SGCE: variants seen among roughly 807,000 people sequenced by gnomAD.
SGCE encodes epsilon-sarcoglycan.
Under a neutral mutation model 57.8 loss-of-function variants are expected in SGCE, and 26 were observed. That is an observed-to-expected ratio of 0.45 (90% confidence interval 0.33 to 0.62). The LOEUF (loss-of-function observed/expected upper bound fraction) is 0.62. Among genes scored for constraint, SGCE ranks in the 20% least tolerant of loss-of-function variants. SGCE has a pLI of 0.02. For synonymous variants in SGCE, 183 were observed against 189.5 expected (o/e 0.97, Z 0.28); for missense variants, 468 against 548.6 (o/e 0.85, Z 1.47).
chr7:94,595,898 G>A (rs868354152), intron 9 of SGCE, among the ~76,000 whole-genome samples: 1 of 151,978 alleles, frequency 6.6e-6, no homozygotes, highest in Non-Finnish European at 1.5e-5. Context: ...ACACTGAAAC[G>A]ACACCGAATG....
intron 10 of SGCE, chr7:94,587,717 G>C: frequency 6.5e-7 from 1 of 1,533,590 alleles, no homozygotes; most frequent in South Asian, 1.3e-5. Flanking sequence ...CAAAATTGTA[G>C]GGAAAAATTC....
At chr7:94,602,803 TCTAA>T (rs1253347508) in intron 6 of SGCE, among the ~76,000 whole-genome samples, 4 of 152,198 alleles carry the variant, frequency 2.6e-5, no homozygotes, top group African/African-American at 9.6e-5. Flanking sequence ...TGGGTAAGAT[TCTAA>T]CTTTCTTCAC....
At chr7:94,639,347 T>A (rs1282588175) in intron 1 of SGCE, 1 of 1,528,780 alleles carries the variant, frequency 6.5e-7, no homozygotes. Context: ...TCACCATCTT[T>A]CATCCCAGCA....
At chr7:94,650,517 G>T (rs1282238407) in intron 1 of SGCE, among the ~76,000 whole-genome samples, 2 of 152,156 alleles carry the variant, frequency 1.3e-5, no homozygotes, top group African/African-American at 4.8e-5. Flanking sequence ...AGGAGGGTGT[G>T]TGTTAAATTA....
chr7:94,612,562 A>C (rs1197466077), intron 5 of SGCE, among the ~76,000 whole-genome samples: 1 of 152,216 alleles, frequency 6.6e-6, no homozygotes, highest in Non-Finnish European at 1.5e-5. Context: ...AGAGTTGGAC[A>C]ACTAAGTTGC....
chr7:94,600,590 C>A (rs1799052658), intron 7 of SGCE, 56 bp downstream of exon 7: 1 of 1,316,434 alleles, frequency 7.6e-7, no homozygotes, highest in African/African-American at 1.4e-5. Context: ...ATGGAATCTT[C>A]TATGTTGTTA....
chr7:94,594,694 C>G (rs1168220478), intron 9 of SGCE: 2 of 152,100 alleles, frequency 1.3e-5, no homozygotes, highest in Non-Finnish European at 2.9e-5. Flanking sequence ...GAGAAACTGG[C>G]TGAGGCGTAT....
chr7:94,655,776 G>GAAA (rs1808553471), intron 1 of SGCE, among the ~76,000 whole-genome samples: 1 of 51,188 alleles, frequency 2.0e-5, no homozygotes, highest in Non-Finnish European at 3.4e-5. Context: ...GGCGCGGAGA[G>GAAA]GAAAAAAAGG....
intron 3 of SGCE, chr7:94,625,923 T>A (rs1490263803): frequency 1.3e-5 from 2 of 152,116 alleles, no homozygotes; most frequent in African/African-American, 4.8e-5. Flanking sequence ...GAAGTAGGAC[T>A]GCCAGATAAT....
At chr7:94,633,684 G>A (rs1404419546) in intron 1 of SGCE, among the ~76,000 whole-genome samples, 1 of 152,130 alleles carries the variant, frequency 6.6e-6, no homozygotes, top group Non-Finnish European at 1.5e-5. Flanking sequence ...TAATAGTCCA[G>A]TGGAAACTCT....
chr7:94,629,006 A>G (rs1345143775), intron 2 of SGCE: 1 of 152,490 alleles, frequency 6.6e-6, no homozygotes, highest in Non-Finnish European at 1.5e-5. Flanking sequence ...TTTCAGGTAC[A>G]GTATTCATCA....
At chr7:94,650,812 T>C (rs566854309) in intron 1 of SGCE, among the ~76,000 whole-genome samples, 1 of 152,364 alleles carries the variant, frequency 6.6e-6, no homozygotes, top group South Asian at 2.1e-4. Context: ...CTAGTTCTAC[T>C]TTCCGAAGCA....
At chr7:94,596,598 CA>C (rs1011362722) in intron 9 of SGCE, among the ~76,000 whole-genome samples, 1 of 152,016 alleles carries the variant, frequency 6.6e-6, no homozygotes, top group African/African-American at 2.4e-5. Flanking sequence ...GCTTAAAAAA[CA>C]GAGAAATAAA....
chr7:94,640,090 A>C (rs914579074), intron 1 of SGCE, among the ~76,000 whole-genome samples: 1 of 152,188 alleles, frequency 6.6e-6, no homozygotes, highest in Non-Finnish European at 1.5e-5. Flanking sequence ...AGGAGAATCA[A>C]AGACGCCTTT....
chr7:94,641,252 T>G (rs1806342936), intron 1 of SGCE, among the ~76,000 whole-genome samples: 2 of 152,166 alleles, frequency 1.3e-5, no homozygotes, highest in African/African-American at 4.8e-5. Context: ...TACTGGTGAC[T>G]CCTTGAAAGT....
intron 2 of SGCE, 50 bp from the exon 3 acceptor site, chr7:94,628,409 G>A: frequency 1.4e-6 from 2 of 1,470,858 alleles, no homozygotes; most frequent in Non-Finnish European, 1.9e-6. Context: ...TTTCACACAT[G>A]TTGCTTTGGT....
chr7:94,617,787 C>T (rs1264158277), intron 5 of SGCE: 7 of 57,088 alleles, frequency 1.2e-4, no homozygotes, highest in Non-Finnish European at 1.8e-4. Flanking sequence ...CCCCATCTGC[C>T]TTTTACCTAC....
intron 1 of SGCE, among the ~76,000 whole-genome samples, chr7:94,652,031 G>A (rs1432124501): frequency 2.0e-5 from 3 of 151,816 alleles, no homozygotes; most frequent in African/African-American, 7.3e-5. Context: ...CCGAAGTTTA[G>A]AAAAAGCCTG....
chr7:94,587,040 G>A, intron 10 of SGCE: 1 of 984,454 alleles, frequency 1.0e-6, no homozygotes, highest in African/African-American at 1.7e-5. Context: ...TAACTAAAAA[G>A]GAGAGCAAAG....
Sources: gnomAD v4.1 joint callset for allele counts (sites outside exome capture counted in the v4.1 genomes callset) on GRCh38, gnomAD v4.1.1 for gene constraint, MANE v1.5 for transcripts, NCBI Gene and HGNC (gene_info 2026-07-23, HGNC 2026-07-21) for gene names.